SGCD: variants seen among roughly 807,000 people sequenced by gnomAD.
SGCD encodes sarcoglycan delta, also known as delta-sarcoglycan.
A neutral mutation model predicts 36.6 loss-of-function variants in SGCD; 18 were observed. That is an observed-to-expected ratio of 0.49 (90% CI 0.34 to 0.73). SGCD has a LOEUF of 0.73. Ranked by LOEUF, SGCD falls within the 30% of genes least tolerant of loss-of-function variation. The pLI, the probability that SGCD is intolerant of heterozygous loss-of-function variation, is 0.01. For synonymous variants in SGCD, 133 were observed against 130.6 expected (o/e 1.02, Z -0.12); for missense variants, 387 against 346.7 (o/e 1.12, Z -0.92).
At chr5:156,334,403 C>A (rs1161606716) in intron 2 of SGCD, among the ~76,000 whole-genome samples, 1 of 152,176 alleles carries the variant, frequency 6.6e-6, no homozygotes, top group African/African-American at 2.4e-5. Flanking sequence ...TGCCCAAGGG[C>A]ATTCAGTTCA....
At chr5:156,338,017 G>A (rs758166860) in intron 2 of SGCD, among the ~76,000 whole-genome samples, 17 of 152,204 alleles carry the variant, frequency 1.1e-4, no homozygotes, top group Admixed American at 6.5e-4. Flanking sequence ...AGAGTCAAAC[G>A]TTAGTAAAAT....
intron 3 of SGCD, among the ~76,000 whole-genome samples, chr5:156,410,475 A>G (rs931500266): frequency 2.6e-5 from 4 of 152,198 alleles, no homozygotes; most frequent in African/African-American, 4.8e-5. Context: ...GTGTCGTGCA[A>G]TATACCCATG....
intron 3 of SGCD, among the ~76,000 whole-genome samples, chr5:156,244,524 G>T (rs373005650): frequency 6.6e-6 from 1 of 152,148 alleles, no homozygotes; most frequent in Non-Finnish European, 1.5e-5. Context: ...GGGACATTGG[G>T]TTCAGTGTTT....
the SGCD span, among the ~76,000 whole-genome samples, chr5:155,739,530 TAA>T: frequency 6.6e-6 from 1 of 152,222 alleles, no homozygotes; most frequent in Non-Finnish European, 1.5e-5. Context: ...GTAGAAGGCT[TAA>T]AGAAAGCTCT....
chr5:156,233,115 T>C (rs952390359), intron 3 of SGCD, among the ~76,000 whole-genome samples: 4 of 152,220 alleles, frequency 2.6e-5, no homozygotes, highest in African/African-American at 9.6e-5. Context: ...TTTCAATTCA[T>C]TTCACCTGTC....
chr5:156,519,529 T>A (rs1279219296), intron 4 of SGCD, among the ~76,000 whole-genome samples: 6 of 150,488 alleles, frequency 4.0e-5, no homozygotes, highest in Non-Finnish European at 7.4e-5. Context: ...GAAGCCAGCA[T>A]AATTCTGATA....
chr5:156,539,614 A>G (rs1758269850), intron 4 of SGCD, among the ~76,000 whole-genome samples: 1 of 152,134 alleles, frequency 6.6e-6, no homozygotes, highest in African/African-American at 2.4e-5. Flanking sequence ...GCTGAGTAGC[A>G]TTCCATGGTG....
intron 1 of SGCD, among the ~76,000 whole-genome samples, chr5:156,010,571 G>A (rs1377440135): frequency 1.3e-5 from 2 of 152,170 alleles, no homozygotes; most frequent in Non-Finnish European, 2.9e-5. Context: ...CTAGTCGACT[G>A]TAACTTTAAT....
chr5:155,740,801 G>A, the SGCD span, among the ~76,000 whole-genome samples: 2 of 152,232 alleles, frequency 1.3e-5, no homozygotes, highest in Middle Eastern at 3.2e-3. Context: ...AGAAACAAGT[G>A]TAATTTATTA....
At chr5:156,552,759 T>G (rs1482601272) in intron 4 of SGCD, among the ~76,000 whole-genome samples, 2 of 152,300 alleles carry the variant, frequency 1.3e-5, no homozygotes, top group East Asian at 3.9e-4. Context: ...TAGACTGTTA[T>G]ATAGTAGGGC....
At chr5:156,223,020 AGAT>A (rs1404742183) in intron 3 of SGCD, among the ~76,000 whole-genome samples, 1 of 152,110 alleles carries the variant, frequency 6.6e-6, no homozygotes, top group Non-Finnish European at 1.5e-5. Flanking sequence ...CATACTATTG[AGAT>A]GCATTTTTCT....
intron 4 of SGCD, among the ~76,000 whole-genome samples, chr5:156,574,963 G>A (rs1280008284): frequency 3.3e-5 from 5 of 152,184 alleles, no homozygotes; most frequent in Non-Finnish European, 5.9e-5. Context: ...ACCAAAGAAT[G>A]TGTGGGGGCC....
chr5:156,220,913 A>G (rs570791483), intron 3 of SGCD, among the ~76,000 whole-genome samples: 1 of 152,248 alleles, frequency 6.6e-6, no homozygotes, highest in Non-Finnish European at 1.5e-5. Context: ...GAAAATGGGC[A>G]TGTTCATTTT....
At chr5:156,432,114 G>A (rs779028408) in intron 3 of SGCD, among the ~76,000 whole-genome samples, 4 of 152,226 alleles carry the variant, frequency 2.6e-5, no homozygotes, top group Admixed American at 1.3e-4. Context: ...GTCCAATGAT[G>A]TGACTGTCTT....
chr5:156,595,051 G>C lies in SGCD; in HGVS notation c.502G>C (p.Gly168Arg). The change falls in exon 6 of 9, where the codon GGA (glycine) becomes CGA (arginine). Residue 168 changes from glycine (G) to arginine (R), a missense_variant and splice_region_variant. Gly to Arg is a moderately radical substitution (Grantham distance 125). Coordinates refer to ENST00000337851, the MANE Select transcript of SGCD (RefSeq NM_000337.6). ...AGGAGCTGAAAGATTACGAGTTTTAGGTAAGGAAACTTGAATCATTTAACT... is the reference window on the plus strand; with the variant it reads ...AGGAGCTGAAAGATTACGAGTTTTACGTAAGGAAACTTGAATCATTTAACT... ...VVGAERLRVL[G>R]AEGTVFPKSI... is the part of the protein sequence containing the mutation. 6.2e-7 allele frequency: 1 copy of C among 1,609,542 alleles called. No homozygotes were observed.
At chr5:156,152,349 T>C (rs1396995988) in intron 3 of SGCD, among the ~76,000 whole-genome samples, 1 of 151,510 alleles carries the variant, frequency 6.6e-6, no homozygotes, top group African/African-American at 2.4e-5. Context: ...AAAGAGGAGG[T>C]GAACTAAATG....
chr5:155,971,101 T>C (rs1757999218), intron 1 of SGCD, among the ~76,000 whole-genome samples: 1 of 152,184 alleles, frequency 6.6e-6, no homozygotes, highest in African/African-American at 2.4e-5. Flanking sequence ...AATTTTTTTC[T>C]TTAGACTTTT....
intron 3 of SGCD, among the ~76,000 whole-genome samples, chr5:156,443,094 C>T (rs1000549535): frequency 1.3e-5 from 2 of 152,126 alleles, no homozygotes; most frequent in African/African-American, 2.4e-5. Flanking sequence ...AGGTGATTCT[C>T]CTGTCTCAGC....
At chr5:156,274,380 C>T (rs1005165284) in intron 3 of SGCD, among the ~76,000 whole-genome samples, 2 of 151,956 alleles carry the variant, frequency 1.3e-5, no homozygotes, top group Admixed American at 6.6e-5. Flanking sequence ...GGCTGTCATC[C>T]CCCCTCCAAC....
Sources: gnomAD v4.1 joint callset for allele counts (sites outside exome capture counted in the v4.1 genomes callset) on GRCh38, gnomAD v4.1.1 for gene constraint, MANE v1.5 for transcripts, NCBI Gene and HGNC (gene_info 2026-07-23, HGNC 2026-07-21) for gene names.